Variants in PDS5B observed in about 807,000 individuals in gnomAD.
The protein encoded by PDS5B is sister chromatid cohesion protein PDS5 homolog B.
Under a neutral mutation model 184.1 loss-of-function variants are expected in PDS5B, and 51 were observed. That is an observed-to-expected ratio of 0.28 (90% CI 0.22 to 0.35). PDS5B has a LOEUF of 0.35. Among genes scored for constraint, PDS5B ranks in the 10% least tolerant of loss-of-function variants. The pLI is 1.00. For missense variants in PDS5B, 1,180 were observed against 1,723.3 expected, an observed-to-expected ratio of 0.68 and a Z score of 5.58; for synonymous variants, 566 against 569.2, an observed-to-expected ratio of 0.99 and a Z score of 0.08.
At chr13:32,694,078 C>A in intron 13 of PDS5B, 145 bp from the exon 14 acceptor site, 1 of 589,208 alleles carries the variant, frequency 1.7e-6, no homozygotes, top group Non-Finnish European at 3.0e-6. Flanking sequence ...TCCCTCTACA[C>A]ATTATCAGTT....
At chr13:32,752,366 C>T (rs1272921104) in intron 24 of PDS5B, among the ~76,000 whole-genome samples, 2 of 152,188 alleles carry the variant, frequency 1.3e-5, no homozygotes, top group Admixed American at 1.3e-4. Context: ...CAGGCATCCA[C>T]TGTGGGTCTT....
At chr13:32,633,133 G>A (rs1365192677) in intron 1 of PDS5B, among the ~76,000 whole-genome samples, 2 of 152,182 alleles carry the variant, frequency 1.3e-5, no homozygotes, top group African/African-American at 4.8e-5. Context: ...GAGACAGACA[G>A]TAGAAGTTAC....
At chr13:32,593,355 C>A (rs1301169676) in intron 1 of PDS5B, among the ~76,000 whole-genome samples, 1 of 152,172 alleles carries the variant, frequency 6.6e-6, no homozygotes, top group Non-Finnish European at 1.5e-5. Context: ...TGATTGAAAG[C>A]CTTACTGATA....
chr13:32,648,263 T>C (rs994030567), intron 1 of PDS5B, among the ~76,000 whole-genome samples: 3 of 152,216 alleles, frequency 2.0e-5, no homozygotes, highest in African/African-American at 7.2e-5. Context: ...TATTTGACTG[T>C]CTGCCTTGAT....
At chr13:32,662,268 T>G (rs139116361) in intron 6 of PDS5B, among the ~76,000 whole-genome samples, 245 of 152,230 alleles carry the variant, frequency 1.6e-3, no homozygotes, top group African/African-American at 5.7e-3. Flanking sequence ...ATATCTAAAC[T>G]TGTGTGCACA....
intron 19 of PDS5B, among the ~76,000 whole-genome samples, chr13:32,723,544 T>TTGC (rs1952791913): frequency 2.1e-5 from 1 of 48,364 alleles, no homozygotes; most frequent in Admixed American, 1.8e-4. Context: ...ATTCTTAAAA[T>TTGC]TTTTTCTTTA....
intron 1 of PDS5B, among the ~76,000 whole-genome samples, chr13:32,634,807 T>G (rs1234080139): frequency 6.6e-6 from 1 of 152,128 alleles, no homozygotes; most frequent in Non-Finnish European, 1.5e-5. Flanking sequence ...GGTCTCTAAC[T>G]CCTGACCTTG....
At chr13:32,688,431 C>A in intron 12 of PDS5B, 25 bp from the exon 13 acceptor site, 1 of 1,177,312 alleles carries the variant, frequency 8.5e-7, no homozygotes, top group Non-Finnish European at 1.2e-6. Context: ...AAAATCAATA[C>A]AATGCCTTCT....
intron 31 of PDS5B, among the ~76,000 whole-genome samples, chr13:32,767,653 T>A (rs944118320): frequency 6.6e-6 from 1 of 152,086 alleles, no homozygotes; most frequent in Non-Finnish European, 1.5e-5. Context: ...GGAGTACCTA[T>A]ATGTAGAAAA....
In PDS5B at chr13:32,760,702, C is replaced by T; in HGVS notation, c.3500C>T (p.Pro1167Leu). The T allele has an allele frequency of 6.2e-7, 1 of 1,613,678 alleles. No homozygotes were observed. The highest frequency in any genetic ancestry group is 8.5e-7 in the Non-Finnish European group (1 of 1,179,840). The change falls in exon 30 of 35, where the codon CCT becomes CTT. Residue 1167 changes from proline to leucine, a missense_variant. Pro to Leu is a moderately conservative substitution (Grantham distance 98). Around this residue, in one of 11 missense-constraint regions of PDS5B, gnomAD observed 465 missense variants for 497.8 expected, o/e 0.93. Coordinates refer to ENST00000315596, the MANE Select transcript of PDS5B (RefSeq NM_015032.4). ...NASSSSNPSS[P>L]GRIKGRLDSS... ...AGCAGCAGCTCAAATCCAAGCTCTC[C>T]TGGAAGAATAAAGGGGAGGTAAGTG...
intron 19 of PDS5B, among the ~76,000 whole-genome samples, chr13:32,730,821 G>T (rs1378594548): frequency 1.3e-5 from 2 of 152,140 alleles, no homozygotes; most frequent in Non-Finnish European, 2.9e-5. Flanking sequence ...TGTTGAAATT[G>T]TTTCTCAGCT....
chr13:32,766,650 T>C (rs1593647954), intron 31 of PDS5B, among the ~76,000 whole-genome samples: 1 of 152,196 alleles, frequency 6.6e-6, no homozygotes, highest in Admixed American at 6.5e-5. Flanking sequence ...AAAGGAATTA[T>C]TTTCCATATA....
chr13:32,766,425 G>A (rs953704433), intron 31 of PDS5B, among the ~76,000 whole-genome samples: 7 of 152,114 alleles, frequency 4.6e-5, no homozygotes, highest in African/African-American at 1.7e-4. Flanking sequence ...TTGTAATGGA[G>A]GCCTTTTGCT....
rs750793390 is a variant in PDS5B at position 32,652,028 on chromosome 13, C to T, written c.312+21C>T. On this transcript the variant is annotated intron_variant, in intron 3 of 34. Transcript: ENST00000315596. ...TAAAGGCAAGTACTGATTTAAATAACTCCAAGATTGACCGATACTTTGATT... is the reference window on the plus strand; with the variant it reads ...TAAAGGCAAGTACTGATTTAAATAATTCCAAGATTGACCGATACTTTGATT... 5.4e-6 allele frequency: 8 copies of T among 1,476,344 alleles called. No individual in the cohort carries two copies. In the South Asian group the frequency reaches 5.7e-5, roughly 10 times the overall value. 91.5% of individuals were successfully genotyped at this position (1,476,344 alleles called of 1,614,324 possible).
chr13:32,692,558 G>C (rs1326509699), intron 13 of PDS5B, among the ~76,000 whole-genome samples: 1 of 150,688 alleles, frequency 6.6e-6, no homozygotes, highest in Non-Finnish European at 1.5e-5. Flanking sequence ...CTTTTTCTTT[G>C]AGTTGCTGCA....
At chr13:32,704,069 T>C (rs1951937425) in intron 17 of PDS5B, among the ~76,000 whole-genome samples, 1 of 152,204 alleles carries the variant, frequency 6.6e-6, no homozygotes, top group African/African-American at 2.4e-5. Flanking sequence ...GTCATTTCCT[T>C]TGTGGTTTAT....
Position 32,764,511 on chromosome 13 carries a change from C to T in PDS5B, c.3541C>T (p.His1181Tyr). ...AAGGCTTGATAGTTCTGAAATGGAT[C>T]ACAGTGAAAATGAAGATTACACAAT... ...KGRLDSSEMD[H>Y]SENEDYTMSS... is the part of the protein sequence containing the mutation. Residue 1181 changes from histidine (H) to tyrosine (Y), a missense_variant, in exon 31 of 35, where the codon CAC becomes TAC. Coordinates refer to ENST00000315596, the MANE Select transcript of PDS5B (RefSeq NM_015032.4). 1 of 1,599,192 alleles carries T rather than the reference C, an allele frequency of 6.3e-7. No homozygotes were observed. The highest frequency in any genetic ancestry group is 8.5e-7 in the Non-Finnish European group (1 of 1,171,892).
At chr13:32,745,704 A>G (rs1953717578) in intron 23 of PDS5B, among the ~76,000 whole-genome samples, 1 of 152,118 alleles carries the variant, frequency 6.6e-6, no homozygotes, top group African/African-American at 2.4e-5. Context: ...GAAGCGGTAA[A>G]CAAGCCCTCT....
intron 24 of PDS5B, among the ~76,000 whole-genome samples, chr13:32,749,365 G>T (rs963077833): frequency 2.6e-5 from 4 of 152,134 alleles, no homozygotes; most frequent in African/African-American, 7.2e-5. Context: ...ACTATGCTTT[G>T]CGCTTTAGTA....
Sources: allele counts gnomAD v4.1 joint callset (sites outside exome capture counted in the v4.1 genomes callset), GRCh38; gene constraint gnomAD v4.1.1; regional missense constraint gnomAD v4.1.1; transcripts MANE v1.5; gene names NCBI Gene and HGNC (gene_info 2026-07-23, HGNC 2026-07-21).